PANX2: variants seen among roughly 807,000 people sequenced by gnomAD.
PANX2 encodes pannexin-2.
A neutral mutation model predicts 38.7 loss-of-function variants in PANX2; 30 were observed. The observed-to-expected ratio is 0.78, with a 90% CI of 0.58 to 1.05. The LOEUF is 1.05. Ranked by LOEUF, PANX2 falls within the 50% of genes least tolerant of loss-of-function variation. The pLI, the probability that PANX2 is intolerant of heterozygous loss-of-function variation, is 0.00. For missense variants in PANX2, 880 were observed against 979.3 expected, an observed-to-expected ratio of 0.90 and a Z score of 1.35; for synonymous variants, 539 against 472.1, an observed-to-expected ratio of 1.14 and a Z score of -1.84.
In PANX2 at chr22:50,177,357, G is replaced by A. The variant is rs780188345; in HGVS notation, c.645G>A (p.Glu215=). The A allele has an allele frequency of 7.5e-6, 12 of 1,609,958 alleles. No individual in the cohort carries two copies. Among genetic ancestry groups the A allele is most frequent in the African/African-American group, 2.7e-5 (2 of 74,874 alleles). ...PEQNLFEKYL[E]RRGRSNFLAK... ...AGAACCTGTTCGAGAAGTACCTGGA[G>A]CGCCGCGGCCGCAGCAACTTCCTGG... Residue 215 remains glutamate, a synonymous_variant, in exon 2 of 3, where the codon GAG becomes GAA. Transcript: ENST00000395842.
Position 50,177,430 on chromosome 22 carries a change from G to A in PANX2, c.718G>A (p.Val240Met), listed in dbSNP as rs945299094. ...CGTGCTGATCCTGCTGCTGAGCGCC[G>A]TGCCCATCTCCTACCTGTGCACCTA... ...RHVLILLLSAVPISYLCTYYA... is the reference protein window; with the variant it reads ...RHVLILLLSAMPISYLCTYYA... Residue 240 changes from valine to methionine, a missense_variant, in exon 2 of 3, where the codon GTG (valine) becomes ATG (methionine). By Grantham distance (21) the Val-to-Met change is conservative (BLOSUM62 1). Coordinates refer to ENST00000395842, the MANE Select transcript of PANX2 (RefSeq NM_052839.4). The A allele has an allele frequency of 9.9e-6, 16 of 1,608,440 alleles. No homozygotes were observed. Among genetic ancestry groups the A allele is most frequent in the Non-Finnish European group, 1.4e-5 (16 of 1,178,152 alleles).
In PANX2 at chr22:50,178,335, C is replaced by T. The variant is rs754138364; in HGVS notation, c.1623C>T (p.Ser541=). ...AVPAALPASR[S]QEGGFLSQAE... is the part of the protein sequence containing the mutation. ...CCGCCGCCCTGCCCGCCTCCCGGAG[C>T]CAGGAGGGGGGCTTCCTGTCCCAGG... Residue 541 remains serine (S), a synonymous_variant, in exon 2 of 3, where the codon AGC becomes AGT. Transcript: ENST00000395842. The T allele has an allele frequency of 6.7e-7, 1 of 1,500,978 alleles. No individual in the cohort carries two copies. Among genetic ancestry groups the T allele is most frequent in the Non-Finnish European group, 8.8e-7 (1 of 1,132,830 alleles). The allele number at this position is 1,500,978 out of a possible 1,614,324, so 93.0% of individuals were successfully genotyped here.
chr22:50,179,145 C>A lies in PANX2; in HGVS notation c.1902C>A (p.Ala634=), dbSNP rs199936827. 8.7e-6 allele frequency: 14 copies of A among 1,612,322 alleles called. No individual in the cohort carries two copies. In the East Asian group the frequency reaches 3.1e-4, roughly 36 times the overall value. The part of the protein sequence containing the change: ...PLLHINTLYE[A]REEEDGGPRL... Reference sequence around the variant, plus strand: ...TGCACATCAACACGCTGTACGAGGCCCGGGAGGAGGAGGACGGGGGCCCCC... The same window carrying A: ...TGCACATCAACACGCTGTACGAGGCACGGGAGGAGGAGGACGGGGGCCCCC... The change falls in exon 3 of 3, where the codon GCC becomes GCA. Residue 634 remains alanine, a synonymous_variant. Transcript: ENST00000395842.
Position 50,177,309 on chromosome 22 carries a change from G to A in PANX2, c.597G>A (p.Ala199=), listed in dbSNP as rs1353987979. The A allele has an allele frequency of 1.2e-6, 2 of 1,611,316 alleles. No homozygotes were observed. Among genetic ancestry groups the A allele is most frequent in the Non-Finnish European group, 1.7e-6 (2 of 1,179,418 alleles). The change falls in exon 2 of 3, where the codon GCG becomes GCA. Residue 199 remains alanine, a synonymous_variant. Coordinates refer to ENST00000395842, the MANE Select transcript of PANX2 (RefSeq NM_052839.4). ...AGAAGCGCGAGATCATCGAGAACGC[G>A]GAGAAGGAGAAGAGCCCGGAGCAGA... The part of the protein sequence containing the change: ...EREKREIIEN[A]EKEKSPEQNL...
Position 50,177,700 on chromosome 22 carries a change from A to G in PANX2, c.988A>G (p.Ile330Val). 6.2e-7 allele frequency: 1 copy of G among 1,611,554 alleles called. No individual in the cohort carries two copies. The highest frequency in any genetic ancestry group is 8.5e-7 in the Non-Finnish European group (1 of 1,179,836). ...CTTCGACAAGCTGCACAAGGTGGGC[A>G]TCAAGACGCGCCGGCAGTGGCGCCG... ...FIFDKLHKVGIKTRRQWRRSQ... is the reference protein window; with the variant it reads ...FIFDKLHKVGVKTRRQWRRSQ... Residue 330 changes from isoleucine to valine, a missense_variant, in exon 2 of 3, where the codon ATC (isoleucine) becomes GTC (valine). This residue lies in a region of PANX2 where 78 missense variants were observed against 133.1 expected (regional missense o/e 0.59). Coordinates refer to ENST00000395842, the MANE Select transcript of PANX2 (RefSeq NM_052839.4).
In PANX2 at chr22:50,177,720, G is replaced by T; in HGVS notation, c.1008G>T (p.Trp336Cys). Residue 336 changes from tryptophan to cysteine, a missense_variant, in exon 2 of 3, where the codon TGG (tryptophan) becomes TGT (cysteine). Physicochemically the swap from Trp to Cys is radical, Grantham distance 215 (BLOSUM62 -2). Transcript: ENST00000395842. The stretch of plus-strand genomic sequence containing the variant: ...TGGGCATCAAGACGCGCCGGCAGTG[G>T]CGCCGCTCGCAGTTCTGCGACATCA... ...HKVGIKTRRQ[W>C]RRSQFCDINI... The T allele has an allele frequency of 6.2e-7, 1 of 1,610,266 alleles. No individual in the cohort carries two copies. Among genetic ancestry groups the T allele is most frequent in the Non-Finnish European group, 8.5e-7 (1 of 1,179,506 alleles).
In PANX2 at chr22:50,179,385, G is replaced by A. The variant is rs978242264; in HGVS notation, c.*108G>A. The stretch of plus-strand genomic sequence containing the variant: ...CGTGGACGTGGCCTGTGCTTCGCCC[G>A]CACTGCGCGCATCCCCAACCTCTGT... On this transcript the variant is annotated 3_prime_UTR_variant, in exon 3 of 3. Transcript: ENST00000395842. 1.2e-5 allele frequency: 12 copies of A among 971,308 alleles called. No individual in the cohort carries two copies. The highest frequency in any genetic ancestry group is 5.3e-5 in the East Asian group (2 of 37,968). The allele number at this position is 971,308 out of a possible 1,614,324, so 60.2% of individuals were successfully genotyped here.
rs2147062988 is a variant in PANX2, at chr22:50,177,414, C to T, written c.702C>T (p.Ile234=). 6.2e-7 allele frequency: 1 copy of T among 1,609,022 alleles called. No homozygotes were observed. The highest frequency in any genetic ancestry group is 8.5e-7 in the Non-Finnish European group (1 of 1,178,316). Residue 234 remains isoleucine (I), a synonymous_variant, in exon 2 of 3, where the codon ATC becomes ATT. Transcript: ENST00000395842. ...AKLYLARHVL[I]LLLSAVPISY... The stretch of plus-strand genomic sequence containing the variant: ...TGTACCTGGCGCGGCACGTGCTGAT[C>T]CTGCTGCTGAGCGCCGTGCCCATCT...
intron 2 of PANX2, 21 bp downstream of exon 2, chr22:50,178,423 A>G: frequency 8.2e-7 from 1 of 1,226,396 alleles, no homozygotes; most frequent in Non-Finnish European, 1.1e-6. Context: ...GGCCGGAGAG[A>G]GGGGACGGGG....
In PANX2 at chr22:50,177,888, C is replaced by T. The variant is rs780199534; in HGVS notation, c.1176C>T (p.Asp392=). 7.5e-5 allele frequency: 115 copies of T among 1,542,870 alleles called. No homozygotes were observed. The highest frequency in any genetic ancestry group is 2.9e-4 in the East Asian group (12 of 41,686). ...CGGCGCTGGCGCAGTCCAACCACGA[C>T]GCCACCCCCACGGTGCGCGACTCGG... ...LLAALAQSNH[D]ATPTVRDSGV... The change falls in exon 2 of 3, where the codon GAC becomes GAT. Residue 392 remains aspartate (D), a synonymous_variant. Transcript: ENST00000395842.
At position 50,178,978 on chromosome 22, in the gene PANX2, G is replaced by T; in HGVS notation, c.1735G>T (p.Ala579Ser). ...GGAAATCCCGTACCCCACAGAGCCA[G>T]CCCGGGCAGGGCTTCCCTCGGGGGG... ...EKEIPYPTEP[A>S]RAGLPSGGPF... Residue 579 changes from alanine to serine, a missense_variant, in exon 3 of 3, where the codon GCC (alanine) becomes TCC (serine). Physicochemically the swap from Ala to Ser is moderately conservative, Grantham distance 99. This residue lies in a region of PANX2 where 445 missense variants were observed against 404.3 expected (regional missense o/e 1.10). Transcript: ENST00000395842. The T allele has an allele frequency of 6.2e-7, 1 of 1,605,510 alleles. No individual in the cohort carries two copies. The highest frequency in any genetic ancestry group is 8.5e-7 in the Non-Finnish European group (1 of 1,175,442).
At chr22:50,171,863 C>G (rs1000649887) in intron 1 of PANX2, among the ~76,000 whole-genome samples, 2 of 142,344 alleles carry the variant, frequency 1.4e-5, no homozygotes, top group African/African-American at 4.9e-5. Context: ...GGGGCCCTCT[C>G]TTCTGCAGCC....
chr22:50,170,996 G>T, intron 1 of PANX2, 40 bp downstream of exon 1: 1 of 1,141,576 alleles, frequency 8.8e-7, no homozygotes, highest in East Asian at 3.2e-5. Flanking sequence ...GGGCAGAGGG[G>T]GCGTCCGCAG....
rs1223526478 is a variant in PANX2 at position 50,177,207 on chromosome 22, C to A, written c.495C>A (p.Tyr165Ter). The A allele has an allele frequency of 6.2e-7, 1 of 1,610,864 alleles. No individual in the cohort carries two copies. The highest frequency in any genetic ancestry group is 1.3e-5 in the African/African-American group (1 of 74,994). The change falls in exon 2 of 3, where the codon TAC becomes TAA. Residue 165 changes from tyrosine to a stop codon, truncating the protein, a stop_gained. Coordinates refer to ENST00000395842, the MANE Select transcript of PANX2 (RefSeq NM_052839.4). LOFTEE classifies it high-confidence loss of function. ...NFLLQEIDNCYHRAAEGRAPK... is the reference protein window; with the variant it reads ...NFLLQEIDNC ...TGCTGCAGGAGATCGACAACTGTTA[C>A]CACCGGGCGGCCGAGGGCCGCGCGC...
Position 50,177,473 on chromosome 22 carries a change from A to T in PANX2, c.761A>T (p.Gln254Leu). The part of the protein sequence containing the change: ...YLCTYYATQK[Q>L]NEFTCALGAS... ...TGCACCTACTACGCCACGCAGAAGC[A>T]GAACGAGTTCACCTGCGCGCTGGGC... Residue 254 changes from glutamine to leucine, a missense_variant, in exon 2 of 3, where the codon CAG becomes CTG. By Grantham distance (113) the Gln-to-Leu change is moderately radical. Transcript: ENST00000395842. 1 of 1,609,274 alleles carries T rather than the reference A, an allele frequency of 6.2e-7. No homozygotes were observed. Among genetic ancestry groups the T allele is most frequent in the Non-Finnish European group, 8.5e-7 (1 of 1,178,380 alleles).
chr22:50,178,636 G>T (rs112559575), intron 2 of PANX2, among the ~76,000 whole-genome samples: 1 of 152,252 alleles, frequency 6.6e-6, no homozygotes, highest in Non-Finnish European at 1.5e-5. Context: ...CCGGGAGGCA[G>T]GTGGGGAAGA....
At chr22:50,175,864 G>A (rs1300532393) in intron 1 of PANX2, among the ~76,000 whole-genome samples, 1 of 152,268 alleles carries the variant, frequency 6.6e-6, no homozygotes, top group Non-Finnish European at 1.5e-5. Flanking sequence ...TCTTCCCAGA[G>A]TGGACAGAGT....
chr22:50,179,259 G>C lies in PANX2; in HGVS notation c.2016G>C (p.Val672=). Residue 672 remains valine (V), a synonymous_variant, in exon 3 of 3, where the codon GTG becomes GTC. Coordinates refer to ENST00000395842, the MANE Select transcript of PANX2 (RefSeq NM_052839.4). ...CCTTCGACGAGCCGAGAACGGTCGT[G>C]AGTACTGTGGAGTTTTGAGGGATGG... is the stretch of plus-strand genomic sequence containing the variant. ...IATFDEPRTV[V]STVEF 2 of 1,612,544 alleles carry C rather than the reference G, an allele frequency of 1.2e-6. No individual in the cohort carries two copies. Among genetic ancestry groups the C allele is most frequent in the African/African-American group, 1.3e-5 (1 of 75,058 alleles).
chr22:50,178,054 G>C lies in PANX2; in HGVS notation c.1342G>C (p.Ala448Pro), dbSNP rs143361988. 6.4e-7 allele frequency: 1 copy of C among 1,552,790 alleles called. No individual in the cohort carries two copies. The highest frequency in any genetic ancestry group is 1.4e-5 in the African/African-American group (1 of 73,424). ...PLPQPFKEPL[A>P]IMRVENSKAE... ...TCCGCAGCCCTTCAAGGAGCCGCTG[G>C]CCATCATGCGCGTGGAGAACAGCAA... Residue 448 changes from alanine (A) to proline (P), a missense_variant, in exon 2 of 3, where the codon GCC becomes CCC. Ala to Pro is a conservative substitution (Grantham distance 27, BLOSUM62 -1). Around this residue, in one of 4 missense-constraint regions of PANX2, gnomAD observed 445 missense variants for 404.3 expected, o/e 1.10. Transcript: ENST00000395842.
Sources: gnomAD v4.1 joint callset for allele counts (sites outside exome capture counted in the v4.1 genomes callset) on GRCh38, gnomAD v4.1.1 for gene constraint, gnomAD v4.1.1 regional missense constraint, MANE v1.5 for transcripts, NCBI Gene and HGNC (gene_info 2026-07-23, HGNC 2026-07-21) for gene names.